The following POU4F3 variants were observed in gnomAD, a reference collection of about 807,000 sequenced individuals.
POU4F3 encodes the protein POU class 4 homeobox 3.
Under a neutral mutation model 22.0 loss-of-function variants are expected in POU4F3, and 7 were observed. The observed-to-expected ratio is 0.32, with a 90% confidence interval of 0.18 to 0.60. The LOEUF (loss-of-function observed/expected upper bound fraction) is 0.60. Ranked by LOEUF, POU4F3 falls within the 20% of genes least tolerant of loss-of-function variation. The pLI is 0.85. For synonymous variants in POU4F3, 220 were observed against 194.5 expected (o/e 1.13, Z -1.09); for missense variants, 457 against 467.4 (o/e 0.98, Z 0.21).
In POU4F3 at chr5:146,339,136, GCCTTTCGGCATGCAC is replaced by G; in HGVS notation, c.27_41del (p.Phe10_Pro14del). 1 of 1,614,198 alleles carries G rather than the reference GCCTTTCGGCATGCAC, an allele frequency of 6.2e-7. No individual in the cohort carries two copies. Among genetic ancestry groups the G allele is most frequent in the Non-Finnish European group, 8.5e-7 (1 of 1,180,044 alleles). ...AGATGATGGCCATGAACTCCAAGCA[GCCTTTCGGCATGCAC>G]CCGGTGCTGCAAGAACCCAAATTCT... On this transcript the variant is annotated inframe_deletion, in exon 1 of 2. Transcript: ENST00000646991. This position sits in a 1 kb window ranked among gnomAD's most constrained non-coding sequence, Gnocchi z 4.7.
chr5:146,339,324 C>G lies in POU4F3; in HGVS notation c.120+92C>G. ...TTCATGTCGCCCAGAACAATCGCCGCTGTCTGAACCCCTCTCCTTGTCTCC... is the reference window on the plus strand; with the variant it reads ...TTCATGTCGCCCAGAACAATCGCCGGTGTCTGAACCCCTCTCCTTGTCTCC... On this transcript the variant is annotated intron_variant, in intron 1 of 1. Transcript: ENST00000646991. The surrounding 1 kb of genome is among the most constrained non-coding windows in gnomAD (Gnocchi z 4.7). 1 of 1,583,906 alleles carries G rather than the reference C, an allele frequency of 6.3e-7. No homozygotes were observed. Among genetic ancestry groups the G allele is most frequent in the Non-Finnish European group, 8.6e-7 (1 of 1,156,084 alleles).
chr5:146,340,731 G>T lies in POU4F3; in HGVS notation c.*287G>T, dbSNP rs922305678. The T allele has an allele frequency of 6.3e-5, 31 of 494,808 alleles. No individual in the cohort carries two copies. Among genetic ancestry groups the T allele is most frequent in the Non-Finnish European group, 4.8e-5 (13 of 271,262 alleles). The allele number at this position is 494,808 out of a possible 1,614,324, so 30.7% of individuals were successfully genotyped here. A position where few individuals can be genotyped will look rare whatever the true frequency, so the allele number is the denominator to read the frequency against. On this transcript the variant is annotated 3_prime_UTR_variant, in exon 2 of 2. Transcript: ENST00000646991. ...TGAAATTTGCCCTCGCGCAGGGGCC[G>T]CACGACTTCAGAGCAGGAGCCCCAA...
rs1434688901 is a variant in POU4F3, at chr5:146,339,097, T to A, written c.-16T>A. ...GATTCCATGTCACCCGCTGCCACCCTGCCAGGAGCGCGAAGATGATGGCCA... is the reference window on the plus strand; with the variant it reads ...GATTCCATGTCACCCGCTGCCACCCAGCCAGGAGCGCGAAGATGATGGCCA... On this transcript the variant is annotated 5_prime_UTR_variant, in exon 1 of 2. Transcript: ENST00000646991. The surrounding 1 kb of genome is among the most constrained non-coding windows in gnomAD (Gnocchi z 4.7). 2 of 1,613,694 alleles carry A rather than the reference T, an allele frequency of 1.2e-6. No homozygotes were observed. The highest frequency in any genetic ancestry group is 1.3e-5 in the African/African-American group (1 of 74,886).
At position 146,340,532 on chromosome 5, in the gene POU4F3, GT is replaced by G. The variant is rs1053860541; in HGVS notation, c.*91del. ...GGATGGTTATCGGGAACTCCAAGGC[GT>G]TTCCTAGGCAGGTTAGGCTCTCTCC... On this transcript the variant is annotated 3_prime_UTR_variant, in exon 2 of 2. Coordinates refer to ENST00000646991, the MANE Select transcript of POU4F3 (RefSeq NM_002700.3). The G allele has an allele frequency of 3.1e-5, 48 of 1,543,600 alleles. No homozygotes were observed. The African/African-American group carries it at 6.0e-4, about 19-fold the overall frequency.
Position 146,338,879 on chromosome 5 carries a change from C to A in POU4F3, c.-234C>A. The A allele has an allele frequency of 1.5e-6, 1 of 678,722 alleles. No homozygotes were observed. The highest frequency in any genetic ancestry group is 2.5e-6 in the Non-Finnish European group (1 of 397,944). The allele number at this position is 678,722 out of a possible 1,614,324, so 42.0% of individuals were successfully genotyped here. On this transcript the variant is annotated 5_prime_UTR_variant, in exon 1 of 2. Transcript: ENST00000646991. ...CGCCGCTAGCTGCTGTCTCTCCTCA[C>A]CTCCCGGGCCGCCCCTGCGAGTCCC...
chr5:146,339,049 C>T lies in POU4F3; in HGVS notation c.-64C>T. 2 of 1,602,374 alleles carry T rather than the reference C, an allele frequency of 1.2e-6. No individual in the cohort carries two copies. The highest frequency in any genetic ancestry group is 4.5e-5 in the East Asian group (2 of 44,396). Reference sequence around the variant, plus strand: ...CGCTGAGCAGCGCTCACTTGGAGAGCGGCAAGCAAGCTAGACAAGCCTGAT... The same window carrying T: ...CGCTGAGCAGCGCTCACTTGGAGAGTGGCAAGCAAGCTAGACAAGCCTGAT... On this transcript the variant is annotated 5_prime_UTR_variant, in exon 1 of 2. Coordinates refer to ENST00000646991, the MANE Select transcript of POU4F3 (RefSeq NM_002700.3). This position sits in a 1 kb window ranked among gnomAD's most constrained non-coding sequence, Gnocchi z 4.7.
Position 146,340,448 on chromosome 5 carries a change from C to A in POU4F3, c.*4C>A. 1.9e-6 allele frequency: 3 copies of A among 1,613,896 alleles called. No homozygotes were observed. The highest frequency in any genetic ancestry group is 2.5e-6 in the Non-Finnish European group (3 of 1,180,024). ...GAAGTATTCGGCTGTCCACTGATTGCGGCAGGGCGCAGCGTCGGGAGCCGG... is the reference window on the plus strand; with the variant it reads ...GAAGTATTCGGCTGTCCACTGATTGAGGCAGGGCGCAGCGTCGGGAGCCGG... On this transcript the variant is annotated 3_prime_UTR_variant, in exon 2 of 2. Coordinates refer to ENST00000646991, the MANE Select transcript of POU4F3 (RefSeq NM_002700.3).
In POU4F3 at chr5:146,338,997, C is replaced by T. The variant is rs969445004; in HGVS notation, c.-116C>T. 4.8e-6 allele frequency: 7 copies of T among 1,467,346 alleles called. No homozygotes were observed. The highest frequency in any genetic ancestry group is 1.2e-5 in the South Asian group (1 of 82,214). 90.9% of individuals were successfully genotyped at this position (1,467,346 alleles called of 1,614,324 possible). On this transcript the variant is annotated 5_prime_UTR_variant, in exon 1 of 2. An upstream open reading frame in the 5' UTR gains an earlier in-frame stop. Coordinates refer to ENST00000646991, the MANE Select transcript of POU4F3 (RefSeq NM_002700.3). ...AGCAGGTGGGGGAGAGGGGAGGCAG[C>T]GAGCGAGAGGGCGAGGGGAGCGCGG...
chr5:146,340,726 G>A lies in POU4F3; in HGVS notation c.*282G>A, dbSNP rs1047679075. On this transcript the variant is annotated 3_prime_UTR_variant, in exon 2 of 2. Coordinates refer to ENST00000646991, the MANE Select transcript of POU4F3 (RefSeq NM_002700.3). Reference sequence around the variant, plus strand: ...GGTGCTGAAATTTGCCCTCGCGCAGGGGCCGCACGACTTCAGAGCAGGAGC... The same window carrying A: ...GGTGCTGAAATTTGCCCTCGCGCAGAGGCCGCACGACTTCAGAGCAGGAGC... 8.9e-5 allele frequency: 45 copies of A among 503,534 alleles called. No individual in the cohort carries two copies. Among genetic ancestry groups the A allele is most frequent in the South Asian group, 5.4e-4 (26 of 47,958 alleles). 31.2% of individuals were successfully genotyped at this position (503,534 alleles called of 1,614,324 possible).
chr5:146,339,610 G>A lies in POU4F3; in HGVS notation c.183G>A (p.Ala61=), dbSNP rs976210159. ...TGCTGGCACGCGCCGAAGCTCTGGC[G>A]GCGGTGGATATCGTCTCCCACGGCA... ...ESLLARAEAL[A]AVDIVSHGKN... Residue 61 remains alanine, a synonymous_variant, in exon 2 of 2, where the codon GCG becomes GCA. Coordinates refer to ENST00000646991, the MANE Select transcript of POU4F3 (RefSeq NM_002700.3). This position sits in a 1 kb window ranked among gnomAD's most constrained non-coding sequence, Gnocchi z 4.7. 1.2e-6 allele frequency: 2 copies of A among 1,614,202 alleles called. No homozygotes were observed. Among genetic ancestry groups the A allele is most frequent in the Non-Finnish European group, 1.7e-6 (2 of 1,180,040 alleles).
At position 146,340,719 on chromosome 5, in the gene POU4F3, CGCGCAGGGGCCGCACGACTTCA is replaced by C. The variant is rs1458053484; in HGVS notation, c.*277_*298del. On this transcript the variant is annotated 3_prime_UTR_variant, in exon 2 of 2. Coordinates refer to ENST00000646991, the MANE Select transcript of POU4F3 (RefSeq NM_002700.3). Reference sequence around the variant, plus strand: ...TGTCCGTGGTGCTGAAATTTGCCCTCGCGCAGGGGCCGCACGACTTCAGAGCAGGAGCCCCAAAGCAGAGGAC... The same window carrying C: ...TGTCCGTGGTGCTGAAATTTGCCCTCGAGCAGGAGCCCCAAAGCAGAGGAC... The C allele has an allele frequency of 1.9e-6, 1 of 514,824 alleles. No homozygotes were observed. Among genetic ancestry groups the C allele is most frequent in the African/African-American group, 1.9e-5 (1 of 52,100 alleles). The allele number at this position is 514,824 out of a possible 1,614,324, so 31.9% of individuals were successfully genotyped here. A position where few individuals can be genotyped will look rare whatever the true frequency, so the allele number is the denominator to read the frequency against.
Position 146,340,459 on chromosome 5 carries a change from A to T in POU4F3, c.*15A>T, listed in dbSNP as rs751650597. 1 of 1,613,566 alleles carries T rather than the reference A, an allele frequency of 6.2e-7. No individual in the cohort carries two copies. Among genetic ancestry groups the T allele is most frequent in the Non-Finnish European group, 8.5e-7 (1 of 1,180,042 alleles). On this transcript the variant is annotated 3_prime_UTR_variant, in exon 2 of 2. Transcript: ENST00000646991. ...CTGTCCACTGATTGCGGCAGGGCGC[A>T]GCGTCGGGAGCCGGGAGAGCCTAGT...
In POU4F3 at chr5:146,340,051, G is replaced by A. The variant is rs759713394; in HGVS notation, c.624G>A (p.Val208=). ...AGCTGGGGGTGACCCAGGCGGACGT[G>A]GGCGCGGCTCTGGCTAATCTCAAGA... is the stretch of plus-strand genomic sequence containing the variant. ...RIKLGVTQAD[V]GAALANLKIP... is the part of the protein sequence containing the mutation. The change falls in exon 2 of 2, where the codon GTG becomes GTA. Residue 208 remains valine (V), a synonymous_variant. Coordinates refer to ENST00000646991, the MANE Select transcript of POU4F3 (RefSeq NM_002700.3). 5.8e-5 allele frequency: 93 copies of A among 1,614,006 alleles called. No individual in the cohort carries two copies. Among genetic ancestry groups the A allele is most frequent in the Admixed American group, 3.3e-5 (2 of 60,010 alleles).
Position 146,340,330 on chromosome 5 carries a change from T to C in POU4F3, c.903T>C (p.Ser301=). 1 of 1,614,244 alleles carries C rather than the reference T, an allele frequency of 6.2e-7. No individual in the cohort carries two copies. The highest frequency in any genetic ancestry group is 8.5e-7 in the Non-Finnish European group (1 of 1,180,046). Residue 301 remains serine (S), a synonymous_variant, in exon 2 of 2, where the codon TCT becomes TCC. Transcript: ENST00000646991. ...AYFAIQPRPS[S]EKIAAIAEKL... is the part of the protein sequence containing the mutation. ...TCGCTATCCAGCCACGTCCTTCATC[T>C]GAGAAGATCGCGGCCATCGCTGAGA...
In POU4F3 at chr5:146,339,758, G is replaced by T; in HGVS notation, c.331G>T (p.Val111Leu). ...AALTSHPHHA[V>L]HQGLEGDLLE... The stretch of plus-strand genomic sequence containing the variant: ...GCTCACCTCACACCCTCACCACGCC[G>T]TGCACCAGGGCCTCGAAGGCGACCT... Residue 111 changes from valine (V) to leucine (L), a missense_variant, in exon 2 of 2, where the codon GTG becomes TTG. Physicochemically the swap from Val to Leu is conservative, Grantham distance 32 (BLOSUM62 1). Transcript: ENST00000646991. The surrounding 1 kb of genome is among the most constrained non-coding windows in gnomAD (Gnocchi z 4.7). 2 of 1,613,542 alleles carry T rather than the reference G, an allele frequency of 1.2e-6. No homozygotes were observed. The highest frequency in any genetic ancestry group is 8.5e-7 in the Non-Finnish European group (1 of 1,179,992).
chr5:146,339,986 C>A lies in POU4F3; in HGVS notation c.559C>A (p.Leu187Met). 1 of 1,612,930 alleles carries A rather than the reference C, an allele frequency of 6.2e-7. No homozygotes were observed. The highest frequency in any genetic ancestry group is 8.5e-7 in the Non-Finnish European group (1 of 1,179,956). The change falls in exon 2 of 2, where the codon CTG becomes ATG. Residue 187 changes from leucine to methionine, a missense_variant. Physicochemically the swap from Leu to Met is conservative, Grantham distance 15. Coordinates refer to ENST00000646991, the MANE Select transcript of POU4F3 (RefSeq NM_002700.3). The surrounding 1 kb of genome is among the most constrained non-coding windows in gnomAD (Gnocchi z 4.7). ...CGACGTGGAGTCAGACCCGCGCGAG[C>A]TGGAAGCCTTCGCCGAGCGCTTCAA... Reference protein sequence around the residue: ...LSDVESDPRELEAFAERFKQR... With the variant: ...LSDVESDPREMEAFAERFKQR...
Position 146,339,071 on chromosome 5 carries a change from T to C in POU4F3, c.-42T>C, listed in dbSNP as rs758204294. 8.7e-6 allele frequency: 14 copies of C among 1,611,780 alleles called. No individual in the cohort carries two copies. In the South Asian group the frequency reaches 1.1e-4, roughly 13 times the overall value. On this transcript the variant is annotated 5_prime_UTR_variant, in exon 1 of 2. Coordinates refer to ENST00000646991, the MANE Select transcript of POU4F3 (RefSeq NM_002700.3). The surrounding 1 kb of genome is among the most constrained non-coding windows in gnomAD (Gnocchi z 4.7). ...GAGCGGCAAGCAAGCTAGACAAGCC[T>C]GATTCCATGTCACCCGCTGCCACCC...
In POU4F3 at chr5:146,340,528, A is replaced by G. The variant is rs1365031285; in HGVS notation, c.*84A>G. Reference sequence around the variant, plus strand: ...CGGGGGATGGTTATCGGGAACTCCAAGGCGTTTCCTAGGCAGGTTAGGCTC... The same window carrying G: ...CGGGGGATGGTTATCGGGAACTCCAGGGCGTTTCCTAGGCAGGTTAGGCTC... On this transcript the variant is annotated 3_prime_UTR_variant, in exon 2 of 2. Transcript: ENST00000646991. 4.5e-6 allele frequency: 7 copies of G among 1,559,942 alleles called. No homozygotes were observed. Among genetic ancestry groups the G allele is most frequent in the South Asian group, 2.3e-5 (2 of 88,524 alleles).
Position 146,339,672 on chromosome 5 carries a change from C to A in POU4F3, c.245C>A (p.Thr82Asn), listed in dbSNP as rs145218099. 5 of 1,614,230 alleles carry A rather than the reference C, an allele frequency of 3.1e-6. No individual in the cohort carries two copies. Among genetic ancestry groups the A allele is most frequent in the Admixed American group, 1.7e-5 (1 of 60,038 alleles). ...HPFKPDATYH[T>N]MSSVPCTSTS... ...TTCAAGCCCGACGCCACCTACCATA[C>A]CATGAGCAGCGTGCCCTGCACGTCC... Residue 82 changes from threonine to asparagine, a missense_variant, in exon 2 of 2, where the codon ACC becomes AAC. Thr to Asn is a moderately conservative substitution (Grantham distance 65). Transcript: ENST00000646991. This position sits in a 1 kb window ranked among gnomAD's most constrained non-coding sequence, Gnocchi z 4.7.
Sources: allele counts gnomAD v4.1 joint callset, GRCh38; gene constraint gnomAD v4.1.1; non-coding constraint Gnocchi (gnomAD v3.1); transcripts MANE v1.5; gene names NCBI Gene and HGNC (gene_info 2026-07-23, HGNC 2026-07-21).